CDC6: variants seen among roughly 807,000 people sequenced by gnomAD.
CDC6 encodes cell division cycle 6, also known as DNA replication factor CDC6.
In CDC6, 46 loss-of-function variants were observed where a neutral mutation model predicts 60.2. The observed-to-expected ratio is 0.76, with a 90% confidence interval of 0.60 to 0.98. CDC6 has a LOEUF of 0.98. Ranked by LOEUF, CDC6 falls within the 50% of genes least tolerant of loss-of-function variation. The pLI is 0.00. For missense variants in CDC6, 596 were observed against 652.9 expected, an observed-to-expected ratio of 0.91 and a Z score of 0.95; for synonymous variants, 210 against 233.2, an observed-to-expected ratio of 0.90 and a Z score of 0.90.
chr17:40,294,484 T>C lies in CDC6; in HGVS notation c.1064T>C (p.Leu355Ser). The C allele has an allele frequency of 6.2e-7, 1 of 1,614,128 alleles. No individual in the cohort carries two copies. ...PYTRNQIVTI[L>S]QDRLNQVSRD... ...ACCAGAAATCAGATAGTCACTATTT[T>C]GCAAGATCGACTTAATCAGGTCAGT... The change falls in exon 7 of 12, where the codon TTG (leucine) becomes TCG (serine). Residue 355 changes from leucine (L) to serine (S), a missense_variant. Transcript: ENST00000209728.
intron 10 of CDC6, 91 bp downstream of exon 10, chr17:40,301,121 C>A: frequency 2.2e-6 from 2 of 891,220 alleles, no homozygotes; most frequent in Non-Finnish European, 1.9e-6. Context: ...GATACTTCAG[C>A]TGATAATAAA....
At position 40,296,690 on chromosome 17, in the gene CDC6, A is replaced by T. The variant is rs756163545; in HGVS notation, c.1185-13A>T. 4.5e-6 allele frequency: 7 copies of T among 1,550,912 alleles called. No homozygotes were observed. The East Asian group carries it at 9.0e-5, about 20-fold the overall frequency. ...GGCTCAGACTAAATTAATTTTAGAA[A>T]TTTTTTTTATAGGAGAGCTATTGAA... On this transcript the variant is annotated splice_polypyrimidine_tract_variant and intron_variant, in intron 8 of 11. Coordinates refer to ENST00000209728, the MANE Select transcript of CDC6 (RefSeq NM_001254.4).
At chr17:40,298,602 T>A (rs2143103034) in intron 9 of CDC6, among the ~76,000 whole-genome samples, 1 of 152,084 alleles carries the variant, frequency 6.6e-6, no homozygotes, top group South Asian at 2.1e-4. Flanking sequence ...GGAGTCTCCT[T>A]ATGTTGCCCA....
At chr17:40,301,840 A>G in intron 11 of CDC6, 72 bp from the exon 12 acceptor site, 3 of 1,066,218 alleles carry the variant, frequency 2.8e-6, no homozygotes, top group Non-Finnish European at 4.4e-6. Context: ...TTAATATGGT[A>G]GAAGTTTGTA....
Position 40,289,389 on chromosome 17 carries a change from CTT to C in CDC6, c.-13-18_-13-17del. ...CTTTCACATATTGACTAGTTGTCCT[CTT>C]ATTTTTTTTAATCTAGCTGTGCTGT... On this transcript the variant is annotated splice_polypyrimidine_tract_variant and intron_variant, in intron 1 of 11. Transcript: ENST00000209728. The C allele has an allele frequency of 6.2e-7, 1 of 1,600,694 alleles. No individual in the cohort carries two copies. Among genetic ancestry groups the C allele is most frequent in the South Asian group, 1.1e-5 (1 of 90,706 alleles).
chr17:40,299,818 C>G (rs1393202609), intron 9 of CDC6, among the ~76,000 whole-genome samples: 1 of 151,858 alleles, frequency 6.6e-6, no homozygotes, highest in African/African-American at 2.4e-5. Flanking sequence ...AAGTGTTGCT[C>G]TACTGCTAAT....
intron 8 of CDC6, 27 bp downstream of exon 8, chr17:40,295,483 T>C (rs759354317): frequency 7.1e-7 from 1 of 1,407,570 alleles, no homozygotes; most frequent in South Asian, 1.2e-5. Context: ...TTGCATTCTT[T>C]TATTAAAAAA....
intron 2 of CDC6, among the ~76,000 whole-genome samples, chr17:40,290,816 G>A (rs972378058): frequency 6.6e-6 from 1 of 152,074 alleles, no homozygotes; most frequent in Admixed American, 6.6e-5. Flanking sequence ...GTTTATTTCT[G>A]GAATTTTCCA....
rs1410602972 is a variant in CDC6 at position 40,302,914 on chromosome 17, G to A, written c.*913G>A. 6.6e-6 allele frequency: 1 copy of A among 152,210 alleles called. No homozygotes were observed. The highest frequency in any genetic ancestry group is 1.5e-5 in the Non-Finnish European group (1 of 68,044). 9.4% of individuals were successfully genotyped at this position (152,210 alleles called of 1,614,324 possible). A position where few individuals can be genotyped will look rare whatever the true frequency, so the allele number is the denominator to read the frequency against. ...AGATTGTGAATATATTTATTTTCAA[G>A]TTGCATTCTTTGTCTTTTTAAGCAA... is the stretch of plus-strand genomic sequence containing the variant. On this transcript the variant is annotated 3_prime_UTR_variant, in exon 12 of 12. Coordinates refer to ENST00000209728, the MANE Select transcript of CDC6 (RefSeq NM_001254.4).
chr17:40,301,804 C>G (rs775508542), intron 11 of CDC6, 108 bp from the exon 12 acceptor site: 7 of 906,860 alleles, frequency 7.7e-6, no homozygotes, highest in South Asian at 1.4e-5. Context: ...AAGTGTTTAA[C>G]TTGCTTGCCT....
At position 40,302,792 on chromosome 17, in the gene CDC6, C is replaced by T. The variant is rs1244589288; in HGVS notation, c.*791C>T. 6.6e-6 allele frequency: 1 copy of T among 152,220 alleles called. No individual in the cohort carries two copies. The highest frequency in any genetic ancestry group is 1.5e-5 in the Non-Finnish European group (1 of 68,048). The allele number at this position is 152,220 out of a possible 1,614,324, so 9.4% of individuals were successfully genotyped here. ...ATTTCTTTGTATAGTATACTATGTT[C>T]ATGGTGCAGATACTACAACATTGTG... On this transcript the variant is annotated 3_prime_UTR_variant, in exon 12 of 12. Coordinates refer to ENST00000209728, the MANE Select transcript of CDC6 (RefSeq NM_001254.4).
intron 1 of CDC6, 91 bp from the exon 2 acceptor site, chr17:40,289,317 G>A: frequency 9.9e-7 from 1 of 1,007,888 alleles, no homozygotes. Flanking sequence ...GGAAATAAGT[G>A]TTAATCATCA....
chr17:40,294,287 T>G, intron 6 of CDC6, 77 bp from the exon 7 acceptor site: 1 of 1,229,454 alleles, frequency 8.1e-7, no homozygotes, highest in Non-Finnish European at 1.2e-6. Flanking sequence ...ACTGGAGATT[T>G]ATTTAGCTTT....
chr17:40,293,985 GC>G lies in CDC6; in HGVS notation c.873del (p.Ser291ArgfsTer16). The G allele has an allele frequency of 6.2e-7, 1 of 1,614,022 alleles. No homozygotes were observed. The highest frequency in any genetic ancestry group is 8.5e-7 in the Non-Finnish European group (1 of 1,179,888). ...LVLDEMDQLDSKGQDVLYTLF... is the reference protein window; with the variant it reads ...LVLDEMDQLDXKGQDVLYTLF... Reference sequence around the variant, plus strand: ...TTGGACGAGATGGATCAACTGGACAGCAAAGGCCAGGATGTATTGTACACGC... The same window carrying G: ...TTGGACGAGATGGATCAACTGGACAGAAAGGCCAGGATGTATTGTACACGC... On this transcript the variant is annotated frameshift_variant, in exon 6 of 12. Transcript: ENST00000209728. LOFTEE classifies it high-confidence loss of function.
Position 40,291,263 on chromosome 17 carries a change from A to G in CDC6, c.384A>G (p.Gln128=), listed in dbSNP as rs745878946. 6.2e-7 allele frequency: 1 copy of G among 1,614,068 alleles called. No homozygotes were observed. The highest frequency in any genetic ancestry group is 1.3e-5 in the African/African-American group (1 of 74,952). The change falls in exon 3 of 12, where the codon CAA becomes CAG. Residue 128 remains glutamine (Q), a synonymous_variant. Transcript: ENST00000209728. The part of the protein sequence containing the change: ...NKILSSVRKS[Q]EITTNSEQRC... ...TACTTTCTTCAGTTAGAAAAAGTCA[A>G]GAGATCACAACAAATTCTGAGCAGA...
intron 2 of CDC6, 35 bp from the exon 3 acceptor site, chr17:40,291,023 A>G: frequency 3.7e-6 from 6 of 1,607,996 alleles, no homozygotes; most frequent in Non-Finnish European, 4.3e-6. Context: ...ATCCAATGCT[A>G]TGAGTGACTA....
chr17:40,301,457 T>C lies in CDC6; in HGVS notation c.1453-11T>C, dbSNP rs750997156. The C allele has an allele frequency of 1.1e-5, 18 of 1,613,732 alleles. No individual in the cohort carries two copies. In the East Asian group the frequency reaches 3.1e-4, roughly 28 times the overall value. The stretch of plus-strand genomic sequence containing the variant: ...TTTAAGCAGCGTTTGTTCTCCCTTG[T>C]TTCCTACCAGTTATATGAAGCCTAC... On this transcript the variant is annotated splice_polypyrimidine_tract_variant and intron_variant, in intron 10 of 11. Coordinates refer to ENST00000209728, the MANE Select transcript of CDC6 (RefSeq NM_001254.4).
In CDC6 at chr17:40,302,369, T is replaced by A. The variant is rs1319418196; in HGVS notation, c.*368T>A. On this transcript the variant is annotated 3_prime_UTR_variant, in exon 12 of 12. Coordinates refer to ENST00000209728, the MANE Select transcript of CDC6 (RefSeq NM_001254.4). The stretch of plus-strand genomic sequence containing the variant: ...TTGTTTGTTTTTTTTGTTGTTGTTG[T>A]TTTTGAGGCGCGTCTCACCCTGTTG... 2.3e-5 allele frequency: 6 copies of A among 263,340 alleles called. No individual in the cohort carries two copies. The highest frequency in any genetic ancestry group is 4.4e-5 in the Non-Finnish European group (6 of 136,088). 16.3% of individuals were successfully genotyped at this position (263,340 alleles called of 1,614,324 possible). A position where few individuals can be genotyped will look rare whatever the true frequency, so the allele number is the denominator to read the frequency against.
intron 8 of CDC6, among the ~76,000 whole-genome samples, chr17:40,295,807 T>G (rs1305907477): frequency 6.6e-6 from 1 of 152,204 alleles, no homozygotes; most frequent in African/African-American, 2.4e-5. Context: ...CGTCTTTGCC[T>G]TTAGACTTGT....
Sources: gnomAD v4.1 joint callset for allele counts (sites outside exome capture counted in the v4.1 genomes callset) on GRCh38, gnomAD v4.1.1 for gene constraint, MANE v1.5 for transcripts, NCBI Gene and HGNC (gene_info 2026-07-23, HGNC 2026-07-21) for gene names.